PTPRG: variants seen among roughly 807,000 people sequenced by gnomAD.
PTPRG encodes the protein protein tyrosine phosphatase receptor type G.
In PTPRG, 102 loss-of-function variants were observed where a neutral mutation model predicts 165.3. The ratio of observed to expected loss-of-function variants is 0.62; its 90% confidence interval spans 0.53 to 0.73. PTPRG has a LOEUF of 0.73. PTPRG is among the 30% of genes least tolerant of loss of function. The probability of loss-of-function intolerance (pLI) is 0.00; values close to 1 mark genes in which losing one functional copy is unlikely to be tolerated. For synonymous variants in PTPRG, 675 were observed against 669.5 expected, an observed-to-expected ratio of 1.01 and a Z score of -0.13; for missense variants, 1,866 against 1,861.4, an observed-to-expected ratio of 1.00 and a Z score of -0.05.
At chr3:61,571,441 A>G (rs1174398023) in intron 1 of PTPRG, among the ~76,000 whole-genome samples, 1 of 152,200 alleles carries the variant, frequency 6.6e-6, no homozygotes, top group African/African-American at 2.4e-5. Flanking sequence ...TACTTTTCCC[A>G]TATAAGCAAG....
At chr3:61,969,693 C>T (rs906796955) in intron 2 of PTPRG, among the ~76,000 whole-genome samples, 24 of 152,106 alleles carry the variant, frequency 1.6e-4, no homozygotes, top group Non-Finnish European at 2.9e-4. Context: ...TGCATGGACC[C>T]TGGTGTGCAC....
intron 1 of PTPRG, among the ~76,000 whole-genome samples, chr3:61,663,151 C>T (rs895787389): frequency 2.0e-5 from 3 of 151,980 alleles, no homozygotes; most frequent in Admixed American, 6.6e-5. Flanking sequence ...TCTCATAACC[C>T]GGTCTCAAAA....
chr3:62,075,154 C>T (rs886537756), intron 4 of PTPRG, among the ~76,000 whole-genome samples: 2 of 152,086 alleles, frequency 1.3e-5, no homozygotes, highest in African/African-American at 4.8e-5. Flanking sequence ...TTTTTTTACC[C>T]ACTTGTAAAT....
At position 61,789,483 on chromosome 3, in the gene PTPRG, C is replaced by CAA. The variant is rs552038255; in HGVS notation, c.190+40502_190+40503dup. On this transcript the variant is annotated intron_variant, in intron 2 of 29. Transcript: ENST00000474889. ...AGAAATTCATACTAGTTGAATAGAC[C>CAA]AACACACAGATGGGTAAGTGTAAAT... Among the ~76,000 whole-genome samples the CAA allele has an allele frequency of 9.8e-4, 149 of 152,214 alleles. 4 individuals carry two copies. In the South Asian group the frequency reaches 0.03, roughly 31 times the overall value.
chr3:62,082,759 TGAAG>T (rs1701623692), intron 5 of PTPRG, among the ~76,000 whole-genome samples: 1 of 152,154 alleles, frequency 6.6e-6, no homozygotes, highest in African/African-American at 2.4e-5. Flanking sequence ...TGAGCACAAG[TGAAG>T]GAAGGAAGAA....
chr3:61,949,380 G>T (rs953443941), intron 2 of PTPRG, among the ~76,000 whole-genome samples: 2 of 152,146 alleles, frequency 1.3e-5, no homozygotes, highest in African/African-American at 4.8e-5. Flanking sequence ...CTCTGATACA[G>T]GCTGTCTCTT....
In PTPRG at chr3:62,124,633, C is replaced by T. The variant is rs375738779; in HGVS notation, c.616-7969C>T. The T allele has an allele frequency of 2.3e-3, 1,974 of 861,834 alleles. 24 individuals carry two copies. The highest frequency in any genetic ancestry group is 0.014 in the South Asian group (863 of 62,260). The allele number at this position is 861,834 out of a possible 1,614,324, so 53.4% of individuals were successfully genotyped here. ...TGCTGACCGCGAGGGAAGGTGAGAC[C>T]GGGAGGGAGCTGGCTGTCCTGAAGC... On this transcript the variant is annotated intron_variant, in intron 5 of 29. Coordinates refer to ENST00000474889, the MANE Select transcript of PTPRG (RefSeq NM_002841.4).
chr3:62,130,745 A>G (rs1703483582), intron 5 of PTPRG, among the ~76,000 whole-genome samples: 1 of 152,176 alleles, frequency 6.6e-6, no homozygotes, highest in Admixed American at 6.5e-5. Context: ...TTGATCAATT[A>G]CTTGCTAAGG....
chr3:61,842,824 C>T (rs1440099900), intron 2 of PTPRG, among the ~76,000 whole-genome samples: 2 of 152,120 alleles, frequency 1.3e-5, no homozygotes, highest in African/African-American at 4.8e-5. Flanking sequence ...GACTTGGTCC[C>T]TGAATGACAA....
chr3:61,945,560 C>CAAAAAAAAAAAAAAAA (rs71123242), intron 2 of PTPRG, among the ~76,000 whole-genome samples: 6 of 55,460 alleles, frequency 1.1e-4, no homozygotes, highest in African/African-American at 2.8e-4. Flanking sequence ...ACTCCGTCAC[C>CAAAAAAAAAAAAAAAA]AAAAAAAAAA....
At chr3:61,990,875 T>A (rs1237121004) in intron 3 of PTPRG, among the ~76,000 whole-genome samples, 1 of 151,106 alleles carries the variant, frequency 6.6e-6, no homozygotes, top group East Asian at 1.9e-4. Flanking sequence ...TTGGTGCTAT[T>A]CATGTTGTAG....
rs1361013817 is a variant in PTPRG, at chr3:62,195,435, C to A, written c.1327+265C>A. Among the ~76,000 whole-genome samples, 2 of 152,148 alleles carry A rather than the reference C, an allele frequency of 1.3e-5. No individual in the cohort carries two copies. Among genetic ancestry groups the A allele is most frequent in the African/African-American group, 2.4e-5 (1 of 41,452 alleles). ...AACTGTGGGGAACCAAGTACTCGGG[C>A]CTTTTTCTCGGTCACTGTCCAGCGC... On this transcript the variant is annotated intron_variant, in intron 10 of 29. Coordinates refer to ENST00000474889, the MANE Select transcript of PTPRG (RefSeq NM_002841.4). This position sits in a 1 kb window ranked among gnomAD's most constrained non-coding sequence, Gnocchi z 4.4.
In PTPRG at chr3:61,607,540, A is replaced by G. The variant is rs143497126; in HGVS notation, c.85+45168A>G. Among the ~76,000 whole-genome samples, 477 of 152,278 alleles carry G rather than the reference A, an allele frequency of 3.1e-3. 9 individuals carry two copies. Among genetic ancestry groups the G allele is most frequent in the Non-Finnish European group, 1.5e-3 (101 of 68,026 alleles). The stretch of plus-strand genomic sequence containing the variant: ...TTTCCCACAGAAAGGCAGCTCGACA[A>G]ACTCTTTTAAACCTTACTTTTTTTT... On this transcript the variant is annotated intron_variant, in intron 1 of 29. Transcript: ENST00000474889.
chr3:61,644,838 C>T (rs2106962561), intron 1 of PTPRG, among the ~76,000 whole-genome samples: 1 of 152,296 alleles, frequency 6.6e-6, no homozygotes, highest in Middle Eastern at 3.4e-3. Flanking sequence ...GAACTTTGTG[C>T]CTCCTATTTG....
chr3:61,679,305 A>G (rs766085045), intron 1 of PTPRG, among the ~76,000 whole-genome samples: 1 of 152,222 alleles, frequency 6.6e-6, no homozygotes, highest in African/African-American at 2.4e-5. Context: ...ACAGCCTGTC[A>G]GGAGGACAGA....
intron 23 of PTPRG, among the ~76,000 whole-genome samples, chr3:62,274,164 T>G (rs1702159978): frequency 6.6e-6 from 1 of 152,206 alleles, no homozygotes; most frequent in Admixed American, 6.5e-5. Context: ...CTATTTTTTC[T>G]GAACTAATCT....
At chr3:62,059,641 C>T (rs983664168) in intron 4 of PTPRG, among the ~76,000 whole-genome samples, 27 of 152,024 alleles carry the variant, frequency 1.8e-4, no homozygotes, top group Admixed American at 2.6e-4. Context: ...AGTTCAAGAC[C>T]GGCCTGAGAA....
intron 2 of PTPRG, among the ~76,000 whole-genome samples, chr3:61,782,543 C>T (rs565078573): frequency 1.6e-4 from 25 of 152,236 alleles, no homozygotes; most frequent in African/African-American, 5.8e-4. Context: ...TGTATAAAGA[C>T]GTCTGGTGTA....
intron 9 of PTPRG, among the ~76,000 whole-genome samples, chr3:62,193,151 G>T (rs770210251): frequency 9.9e-5 from 15 of 152,208 alleles, no homozygotes; most frequent in Non-Finnish European, 1.8e-4. Context: ...TCTTTCTGGA[G>T]TGAAGATGGC....
Sources: gnomAD v4.1 joint callset for allele counts (sites outside exome capture counted in the v4.1 genomes callset) on GRCh38, gnomAD v4.1.1 for gene constraint, Gnocchi (gnomAD v3.1) non-coding constraint, MANE v1.5 for transcripts, NCBI Gene and HGNC (gene_info 2026-07-23, HGNC 2026-07-21) for gene names.